The following EBF2 variants were observed in gnomAD, a reference collection of about 807,000 sequenced individuals.
EBF2 encodes EBF transcription factor 2.
In EBF2, 21 loss-of-function variants were observed where a neutral mutation model predicts 72.8. The observed-to-expected ratio is 0.29, with a 90% CI of 0.20 to 0.42. The LOEUF (loss-of-function observed/expected upper bound fraction) is 0.42, where lower values mean the gene tolerates loss of function less well. EBF2 is among the 10% of genes least tolerant of loss of function. The pLI, the probability that EBF2 is intolerant of heterozygous loss-of-function variation, is 1.00. For synonymous variants in EBF2, 299 were observed against 274.2 expected (o/e 1.09, Z -0.89); for missense variants, 637 against 731.2 (o/e 0.87, Z 1.49).
At chr8:25,964,796 G>T (rs925860430) in intron 6 of EBF2, among the ~76,000 whole-genome samples, 1 of 152,200 alleles carries the variant, frequency 6.6e-6, no homozygotes, top group Non-Finnish European at 1.5e-5. Context: ...GAAATCTCCA[G>T]TTCAGTAGAT....
At chr8:25,904,054 T>C (rs1802996391) in intron 7 of EBF2, among the ~76,000 whole-genome samples, 1 of 152,126 alleles carries the variant, frequency 6.6e-6, no homozygotes, top group Non-Finnish European at 1.5e-5. Flanking sequence ...AAAGGTTACC[T>C]TACATGAAGG....
At chr8:25,897,193 C>T (rs1339241392) in intron 7 of EBF2, among the ~76,000 whole-genome samples, 1 of 151,552 alleles carries the variant, frequency 6.6e-6, no homozygotes, top group Non-Finnish European at 1.5e-5. Flanking sequence ...GGCATTACTC[C>T]TGAGAAGACG....
At chr8:25,924,331 C>T (rs1260993944) in intron 6 of EBF2, among the ~76,000 whole-genome samples, 2 of 152,130 alleles carry the variant, frequency 1.3e-5, no homozygotes, top group Admixed American at 1.3e-4. Flanking sequence ...GGTAAGTAAC[C>T]ATGACACACT....
At chr8:25,977,685 G>A (rs1244842205) in intron 6 of EBF2, among the ~76,000 whole-genome samples, 1 of 152,186 alleles carries the variant, frequency 6.6e-6, no homozygotes, top group Non-Finnish European at 1.5e-5. Flanking sequence ...CCCCTAGCAT[G>A]AACAGGGTTC....
intron 10 of EBF2, among the ~76,000 whole-genome samples, chr8:25,884,839 C>T (rs7839632): frequency 0.39 from 58,630 of 151,868 alleles, 11,754 homozygotes; most frequent in Middle Eastern, 0.57. Flanking sequence ...TAAATAGACC[C>T]AAAAATTACC....
intron 6 of EBF2, among the ~76,000 whole-genome samples, chr8:25,979,022 G>A (rs1804315513): frequency 6.6e-6 from 1 of 152,076 alleles, no homozygotes; most frequent in African/African-American, 2.4e-5. Context: ...AGGGTTCTCC[G>A]AATACCGTAG....
chr8:25,861,904 A>G (rs1406234215), intron 11 of EBF2, among the ~76,000 whole-genome samples: 1 of 152,152 alleles, frequency 6.6e-6, no homozygotes, highest in Non-Finnish European at 1.5e-5. Flanking sequence ...GTAATCACGA[A>G]TCCCTTTCCT....
chr8:25,919,407 C>T (rs1303675714), intron 6 of EBF2, among the ~76,000 whole-genome samples: 1 of 152,116 alleles, frequency 6.6e-6, no homozygotes, highest in African/African-American at 2.4e-5. Context: ...AATTTTAGAG[C>T]AAATAGAGAG....
chr8:25,917,179 T>G (rs2117130253), intron 6 of EBF2, among the ~76,000 whole-genome samples: 1 of 146,616 alleles, frequency 6.8e-6, no homozygotes, highest in East Asian at 2.1e-4. Flanking sequence ...TGTGAGGTTT[T>G]TGTGTGTTTG....
chr8:25,856,236 C>T (rs1016657606), intron 14 of EBF2, among the ~76,000 whole-genome samples: 4 of 152,102 alleles, frequency 2.6e-5, no homozygotes, highest in Admixed American at 6.5e-5. Flanking sequence ...ACAAAAACAA[C>T]TATTATGATT....
chr8:26,009,935 C>A (rs1191405422), intron 6 of EBF2, among the ~76,000 whole-genome samples: 1 of 152,166 alleles, frequency 6.6e-6, no homozygotes, highest in African/African-American at 2.4e-5. Flanking sequence ...TCACTGGACG[C>A]CCTCCACTTC....
rs577360912 is a variant in EBF2, at chr8:26,017,058, C to A, written c.551+16027G>T. 6.6e-5 allele frequency among the ~76,000 whole-genome samples: 10 copies of A among 152,088 alleles called. No individual in the cohort carries two copies. The East Asian group carries it at 1.7e-3, about 26-fold the overall frequency. ...ATTTCTCCCCCCACCCCAAACACAA[C>A]CTTCCCCAAGGACCTTTCCAGACTC... On this transcript the variant is annotated intron_variant, in intron 6 of 15. Transcript: ENST00000520164.
chr8:26,016,601 CTTATT>C (rs1252126981), intron 6 of EBF2, among the ~76,000 whole-genome samples: 1 of 152,088 alleles, frequency 6.6e-6, no homozygotes, highest in African/African-American at 2.4e-5. Flanking sequence ...GAGATTTCAC[CTTATT>C]TATTTATGCT....
chr8:26,037,801 C>A (rs1805527732), intron 5 of EBF2, among the ~76,000 whole-genome samples: 1 of 152,068 alleles, frequency 6.6e-6, no homozygotes, highest in African/African-American at 2.4e-5. Context: ...GGAACAGAGA[C>A]CATTGGGGAA....
At chr8:26,029,791 G>C (rs1011417119) in intron 6 of EBF2, among the ~76,000 whole-genome samples, 1 of 152,210 alleles carries the variant, frequency 6.6e-6, no homozygotes, top group Admixed American at 6.5e-5. Context: ...TTTGGGGCTT[G>C]TAAGGGAACT....
intron 6 of EBF2, among the ~76,000 whole-genome samples, chr8:25,985,999 C>G (rs552717918): frequency 6.7e-3 from 16 of 2,400 alleles, no homozygotes; most frequent in Non-Finnish European, 8.6e-3. Context: ...GAAACTCTGT[C>G]TCAAAAAAAA....
chr8:25,896,562 T>A (rs1031749284), intron 7 of EBF2, among the ~76,000 whole-genome samples: 1 of 152,212 alleles, frequency 6.6e-6, no homozygotes, highest in African/African-American at 2.4e-5. Context: ...CCCTTATAAC[T>A]GTTCGGTTGC....
Position 25,908,572 on chromosome 8 carries a change from A to T in EBF2, c.552-17T>A. 1 of 1,525,252 alleles carries T rather than the reference A, an allele frequency of 6.6e-7. No individual in the cohort carries two copies. The highest frequency in any genetic ancestry group is 9.0e-7 in the Non-Finnish European group (1 of 1,113,538). The allele number at this position is 1,525,252 out of a possible 1,614,324, so 94.5% of individuals were successfully genotyped here. ...AAAAAGAATCTGTGAAGAGAAAGCG[A>T]TGTGTTACATTTTTCAGTAAACATT... On this transcript the variant is annotated splice_polypyrimidine_tract_variant and intron_variant, in intron 6 of 15. Coordinates refer to ENST00000520164, the MANE Select transcript of EBF2 (RefSeq NM_022659.4).
At chr8:25,932,079 C>G (rs1040751419) in intron 6 of EBF2, among the ~76,000 whole-genome samples, 1 of 152,044 alleles carries the variant, frequency 6.6e-6, no homozygotes, top group Non-Finnish European at 1.5e-5. Flanking sequence ...GAGAAGCCAC[C>G]AGGAGAAGGG....
Sources: gnomAD v4.1 joint callset for allele counts (sites outside exome capture counted in the v4.1 genomes callset) on GRCh38, gnomAD v4.1.1 for gene constraint, MANE v1.5 for transcripts, NCBI Gene and HGNC (gene_info 2026-07-23, HGNC 2026-07-21) for gene names.